FUT8: variants seen among roughly 807,000 people sequenced by gnomAD.
FUT8 encodes alpha-(1,6)-fucosyltransferase.
FUT8 carries 29 observed loss-of-function variants against 71.3 expected under a neutral mutation model. That is an observed-to-expected ratio of 0.41 (90% CI 0.30 to 0.55). FUT8 has a LOEUF of 0.55. FUT8 is among the 20% of genes least tolerant of loss of function. The probability of loss-of-function intolerance (pLI) is 0.34; values close to 1 mark genes in which losing one functional copy is unlikely to be tolerated. For synonymous variants in FUT8, 254 were observed against 239.3 expected (o/e 1.06, Z -0.57); for missense variants, 544 against 702.1 (o/e 0.77, Z 2.55).
chr14:65,645,806 A>G (rs949475021), intron 6 of FUT8, among the ~76,000 whole-genome samples: 2 of 152,218 alleles, frequency 1.3e-5, no homozygotes, highest in Non-Finnish European at 2.9e-5. Context: ...TTACCATGCT[A>G]GGAACCATGG....
At chr14:65,727,137 C>T (rs149744587) in intron 9 of FUT8, among the ~76,000 whole-genome samples, 1,966 of 152,220 alleles carry the variant, frequency 0.013, 25 homozygotes, top group African/African-American at 0.035. Flanking sequence ...TAAGTGTCTG[C>T]GGCTTTTCCA....
At chr14:65,610,638 C>T (rs1189678091) in intron 3 of FUT8, among the ~76,000 whole-genome samples, 2 of 151,920 alleles carry the variant, frequency 1.3e-5, no homozygotes, top group Non-Finnish European at 2.9e-5. Flanking sequence ...ATCCGCCTGC[C>T]TCGGCCTCCC....
At chr14:65,386,503 CAAAAAAAAAA>C in the FUT8 span, among the ~76,000 whole-genome samples, 1 of 46,870 alleles carries the variant, frequency 2.1e-5, no homozygotes, top group Non-Finnish European at 5.1e-5. Flanking sequence ...GACCTCGTCT[CAAAAAAAAAA>C]AAAAAAAAAA....
rs192151051 is a variant in FUT8, at chr14:65,607,972, G to A, written c.204-8006G>A. 3.2e-3 allele frequency among the ~76,000 whole-genome samples: 489 copies of A among 150,996 alleles called. 3 individuals are homozygous for A. The highest frequency in any genetic ancestry group is 0.011 in the African/African-American group (442 of 41,138). ...CCCAGCTACTTGGGAAGCTGAGGCA[G>A]GAGAATCACTTGAACCCGGGAGGCA... On this transcript the variant is annotated intron_variant, in intron 3 of 10. Coordinates refer to ENST00000673929, the MANE Select transcript of FUT8 (RefSeq NM_001371533.1). This position sits in a 1 kb window ranked among gnomAD's most constrained non-coding sequence, Gnocchi z 4.1.
At chr14:65,702,645 C>G (rs757668177) in intron 7 of FUT8, among the ~76,000 whole-genome samples, 1 of 152,018 alleles carries the variant, frequency 6.6e-6, no homozygotes, top group African/African-American at 2.4e-5. Flanking sequence ...ATAGGAGTAT[C>G]GTAAAATGAT....
intron 3 of FUT8, among the ~76,000 whole-genome samples, chr14:65,608,895 A>G (rs1261235292): frequency 6.6e-6 from 1 of 151,846 alleles, no homozygotes; most frequent in Non-Finnish European, 1.5e-5. Context: ...TTTTGTTCAA[A>G]CATTTATTTA....
chr14:65,717,154 C>T (rs1895131871), intron 7 of FUT8, among the ~76,000 whole-genome samples: 1 of 135,396 alleles, frequency 7.4e-6, no homozygotes, highest in Non-Finnish European at 1.6e-5. Flanking sequence ...GATGGGGCGG[C>T]CGGGCAGAGG....
chr14:65,370,727 C>T, the FUT8 span, among the ~76,000 whole-genome samples: 4 of 151,838 alleles, frequency 2.6e-5, no homozygotes, highest in Admixed American at 2.6e-4. Flanking sequence ...CTAGGGTCTC[C>T]AGCTGGAGCT....
intron 7 of FUT8, among the ~76,000 whole-genome samples, chr14:65,691,890 T>G (rs965675549): frequency 6.6e-6 from 1 of 152,060 alleles, no homozygotes. Flanking sequence ...TAGACACAGC[T>G]CATGTTTCAG....
At chr14:65,601,417 A>G (rs1239964249) in intron 3 of FUT8, among the ~76,000 whole-genome samples, 1 of 152,176 alleles carries the variant, frequency 6.6e-6, no homozygotes, top group Non-Finnish European at 1.5e-5. Flanking sequence ...AAAACTGCAT[A>G]TCTATAATTT....
intron 2 of FUT8, among the ~76,000 whole-genome samples, chr14:65,553,101 G>A (rs995816698): frequency 5.9e-5 from 9 of 152,228 alleles, no homozygotes; most frequent in African/African-American, 1.4e-4. Context: ...GACTATAGGC[G>A]TGCACCACCA....
intron 7 of FUT8, among the ~76,000 whole-genome samples, chr14:65,671,244 A>G (rs747488151): frequency 3.6e-4 from 55 of 152,266 alleles, no homozygotes; most frequent in Admixed American, 9.8e-4. Flanking sequence ...TATCAGGTTT[A>G]ATATATAGTT....
At chr14:65,504,675 G>A (rs1414878707) in intron 2 of FUT8, among the ~76,000 whole-genome samples, 5 of 152,076 alleles carry the variant, frequency 3.3e-5, no homozygotes, top group Non-Finnish European at 2.9e-5. Context: ...TCAGCCTCCT[G>A]AATAGCTAGG....
intron 7 of FUT8, among the ~76,000 whole-genome samples, chr14:65,710,363 C>T (rs1039139166): frequency 2.0e-5 from 3 of 152,046 alleles, no homozygotes; most frequent in African/African-American, 7.2e-5. Context: ...AATTCTTTTG[C>T]ATGTATATTT....
At chr14:65,417,885 A>C (rs1399936304) in intron 1 of FUT8, among the ~76,000 whole-genome samples, 1 of 152,212 alleles carries the variant, frequency 6.6e-6, no homozygotes, top group Admixed American at 6.5e-5. Context: ...TATTTGTTGT[A>C]TTTTATAACT....
chr14:65,562,760 G>A (rs1885982832), intron 3 of FUT8, among the ~76,000 whole-genome samples: 2 of 152,092 alleles, frequency 1.3e-5, no homozygotes, highest in Admixed American at 6.6e-5. Flanking sequence ...GGAGTAGAAA[G>A]TGGAAACATC....
At chr14:65,580,247 T>C (rs1887013978) in intron 3 of FUT8, among the ~76,000 whole-genome samples, 1 of 151,420 alleles carries the variant, frequency 6.6e-6, no homozygotes, top group Admixed American at 6.6e-5. Context: ...CTATTGCTCC[T>C]AGGCTACAAA....
At chr14:65,403,057 T>C in the FUT8 span, among the ~76,000 whole-genome samples, 1 of 152,220 alleles carries the variant, frequency 6.6e-6, no homozygotes. Flanking sequence ...TTAGATTCTG[T>C]TTTCATGTTA....
intron 2 of FUT8, among the ~76,000 whole-genome samples, chr14:65,557,903 C>G (rs1395541382): frequency 6.6e-6 from 1 of 152,118 alleles, no homozygotes. Flanking sequence ...CTAATACTTT[C>G]ACAAATAAGT....
Sources: allele counts gnomAD v4.1 joint callset (sites outside exome capture counted in the v4.1 genomes callset), GRCh38; gene constraint gnomAD v4.1.1; non-coding constraint Gnocchi (gnomAD v3.1); transcripts MANE v1.5; gene names NCBI Gene and HGNC (gene_info 2026-07-23, HGNC 2026-07-21).